SCN1A: variants seen among roughly 807,000 people sequenced by gnomAD.
SCN1A encodes sodium voltage-gated channel alpha subunit 1.
In SCN1A, 13 loss-of-function variants were observed where a neutral mutation model predicts 193.7. The observed-to-expected ratio is 0.07, with a 90% CI of 0.04 to 0.11. The LOEUF is 0.11. SCN1A is among the 10% of genes least tolerant of loss of function. The pLI, the probability that SCN1A is intolerant of heterozygous loss-of-function variation, is 1.00. For synonymous variants in SCN1A, 781 were observed against 843.6 expected (o/e 0.93, Z 1.29); for missense variants, 1,432 against 2,451.1 (o/e 0.58, Z 8.78).
intron 1 of SCN1A, among the ~76,000 whole-genome samples, chr2:166,134,372 T>C (rs1226933755): frequency 6.6e-6 from 1 of 152,214 alleles, no homozygotes; most frequent in Non-Finnish European, 1.5e-5. Context: ...AAAATGGAAG[T>C]GAGTGAAGTA....
At chr2:166,110,053 A>C (rs1689128524) in intron 2 of SCN1A, among the ~76,000 whole-genome samples, 1 of 152,178 alleles carries the variant, frequency 6.6e-6, no homozygotes, top group Non-Finnish European at 1.5e-5. Context: ...AGTAATGATA[A>C]ATGCTTGAGG....
At chr2:166,084,347 T>C (rs17801404) in intron 2 of SCN1A, among the ~76,000 whole-genome samples, 34,255 of 150,854 alleles carry the variant, frequency 0.23, 3,953 homozygotes, top group Middle Eastern at 0.41. Flanking sequence ...TCAAAAACCA[T>C]GGTCTAGAAG....
chr2:166,036,869 CTAA>C (rs1696453906), intron 18 of SCN1A, among the ~76,000 whole-genome samples: 1 of 152,158 alleles, frequency 6.6e-6, no homozygotes, highest in African/African-American at 2.4e-5. Flanking sequence ...TTAAAAATCA[CTAA>C]TGTTTCCAAG....
At chr2:166,118,264 A>ATTTTCT (rs1690102869) in intron 2 of SCN1A, among the ~76,000 whole-genome samples, 1 of 37,444 alleles carries the variant, frequency 2.7e-5, no homozygotes, top group Non-Finnish European at 6.1e-5. Context: ...TCACACTCCT[A>ATTTTCT]TTTTCTTTTT....
chr2:166,139,744 A>C (rs1246774729), intron 1 of SCN1A, among the ~76,000 whole-genome samples: 1 of 152,106 alleles, frequency 6.6e-6, no homozygotes, highest in East Asian at 1.9e-4. Flanking sequence ...TTATAAAACC[A>C]TCTCGTGAGA....
At chr2:166,121,306 A>G (rs905480392) in intron 2 of SCN1A, among the ~76,000 whole-genome samples, 3 of 152,168 alleles carry the variant, frequency 2.0e-5, no homozygotes, top group Non-Finnish European at 4.4e-5. Flanking sequence ...TCTGTGAACT[A>G]TAATATCTTT....
rs368513344 is a variant in SCN1A at position 166,050,613 on chromosome 2, G to GTATATATA, written c.964+1098_964+1105dup. On this transcript the variant is annotated intron_variant, in intron 9 of 28. Transcript: ENST00000674923. ...CACCACACCCAACTCATTAAAAAAA[G>GTATATATA]TATATATATATATATATATATATAT... Among the ~76,000 whole-genome samples the GTATATATA allele has an allele frequency of 4.1e-3, 269 of 65,366 alleles. 16 individuals are homozygous for GTATATATA. Among genetic ancestry groups the GTATATATA allele is most frequent in the South Asian group, 0.011 (22 of 2,068 alleles). 42.9% of individuals were successfully genotyped at this position (65,366 alleles called of 152,430 possible).
At chr2:166,134,851 C>A (rs1211805011) in intron 1 of SCN1A, among the ~76,000 whole-genome samples, 1 of 152,126 alleles carries the variant, frequency 6.6e-6, no homozygotes, top group Non-Finnish European at 1.5e-5. Context: ...ATCAAGATTT[C>A]ATAAAGCTTT....
intron 26 of SCN1A, chr2:165,996,325 AT>A (rs1690053811): frequency 2.5e-6 from 1 of 407,854 alleles, no homozygotes; most frequent in African/African-American, 2.1e-5. Flanking sequence ...TGACTTTATT[AT>A]TATTATCTTA....
intron 1 of SCN1A, among the ~76,000 whole-genome samples, chr2:166,146,102 A>G (rs1430354481): frequency 6.6e-6 from 1 of 152,164 alleles, no homozygotes; most frequent in Admixed American, 6.5e-5. Context: ...GGGTCACTTG[A>G]CAGAGTGGTT....
intron 2 of SCN1A, among the ~76,000 whole-genome samples, chr2:166,124,236 G>A (rs1690967390): frequency 1.3e-5 from 2 of 151,900 alleles, no homozygotes; most frequent in South Asian, 4.2e-4. Context: ...TTGTACAGGA[G>A]AGCTTTTTTT....
rs7564306 is a variant in SCN1A at position 166,058,385 on chromosome 2, A to G, written c.383+185T>C. On this transcript the variant is annotated intron_variant, in intron 5 of 28. Coordinates refer to ENST00000674923, the MANE Select transcript of SCN1A (RefSeq NM_001165963.4). ...TATAATATATAAAATGTTAAAGAGT[A>G]CATGTTTCAGTAATGTCTATGTGAT... Among the ~76,000 whole-genome samples the G allele has an allele frequency of 0.47, 72,036 of 151,688 alleles. 17,953 individuals are homozygous for G. The highest frequency in any genetic ancestry group is 0.56 in the East Asian group (2,880 of 5,160).
intron 19 of SCN1A, among the ~76,000 whole-genome samples, chr2:166,032,097 A>G (rs577061473): frequency 7.1e-5 from 9 of 126,162 alleles, no homozygotes; most frequent in African/African-American, 9.3e-5. Context: ...GGAAACAATA[A>G]CATGTTCAAA....
At chr2:166,121,010 G>C (rs1330890158) in intron 2 of SCN1A, among the ~76,000 whole-genome samples, 1 of 150,250 alleles carries the variant, frequency 6.7e-6, no homozygotes, top group Non-Finnish European at 1.5e-5. Flanking sequence ...GGAACTGTTA[G>C]TTAAGTTTAC....
intron 19 of SCN1A, among the ~76,000 whole-genome samples, chr2:166,031,726 C>T (rs4667861): frequency 0.74 from 112,161 of 151,980 alleles, 41,767 homozygotes; most frequent in East Asian, 0.89. Flanking sequence ...TGATGATTTA[C>T]CAGATATTCT....
intron 19 of SCN1A, chr2:166,027,240 T>G (rs1205082044): frequency 1.3e-5 from 2 of 152,128 alleles, no homozygotes; most frequent in Admixed American, 6.5e-5. Context: ...GTAAGAGCAG[T>G]TTTCCTCCGC....
intron 19 of SCN1A, among the ~76,000 whole-genome samples, chr2:166,034,321 A>G (rs986597108): frequency 6.6e-6 from 1 of 152,194 alleles, no homozygotes; most frequent in Non-Finnish European, 1.5e-5. Context: ...TAGATTATTC[A>G]GAGACTCATT....
At position 166,043,801 on chromosome 2, in the gene SCN1A, C is replaced by T. The variant is rs192102141; in HGVS notation, c.1911G>A (p.Ala637=). The part of the protein sequence containing the change: ...RSSRMLAVFP[A]NGKMHSTVDC... The stretch of plus-strand genomic sequence containing the variant: ...CCACAGTGCTGTGCATCTTCCCATT[C>T]GCTGGAAACACTGCCAGCATCCGGG... The change falls in exon 14 of 29, where the codon GCG becomes GCA. Residue 637 remains alanine (A), a synonymous_variant. Coordinates refer to ENST00000674923, the MANE Select transcript of SCN1A (RefSeq NM_001165963.4). 1.6e-5 allele frequency: 26 copies of T among 1,614,178 alleles called. No individual in the cohort carries two copies. The highest frequency in any genetic ancestry group is 2.7e-5 in the African/African-American group (2 of 75,038).
intron 23 of SCN1A, among the ~76,000 whole-genome samples, chr2:166,008,301 T>C (rs1459780570): frequency 1.3e-5 from 2 of 151,230 alleles, no homozygotes; most frequent in African/African-American, 4.8e-5. Context: ...AACTTTCAAA[T>C]GGTCAAATGT....
Sources: gnomAD v4.1 joint callset for allele counts (sites outside exome capture counted in the v4.1 genomes callset) on GRCh38, gnomAD v4.1.1 for gene constraint, MANE v1.5 for transcripts, NCBI Gene and HGNC (gene_info 2026-07-23, HGNC 2026-07-21) for gene names.